The following NF1 variants were observed in gnomAD, a reference collection of about 807,000 sequenced individuals.
NF1 encodes the protein neurofibromin 1.
In NF1, 122 loss-of-function variants were observed where a neutral mutation model predicts 325.7. The observed-to-expected ratio is 0.37, with a 90% CI of 0.32 to 0.44. The LOEUF (loss-of-function observed/expected upper bound fraction) is 0.44. Among genes scored for constraint, NF1 ranks in the 20% least tolerant of loss-of-function variants. NF1 has a pLI of 1.00. For missense variants in NF1, 2,140 were observed against 3,415.4 expected (o/e 0.63, Z 9.31); for synonymous variants, 1,091 against 1,186.0 (o/e 0.92, Z 1.65).
At chr17:31,122,842 C>T (rs1301784994) in intron 1 of NF1, among the ~76,000 whole-genome samples, 1 of 149,856 alleles carries the variant, frequency 6.7e-6, no homozygotes, top group Non-Finnish European at 1.5e-5. Context: ...GTCAAGAGGA[C>T]TTCTAGGCTT....
At chr17:31,156,168 T>C in intron 2 of NF1, 42 bp downstream of exon 2, 1 of 1,609,016 alleles carries the variant, frequency 6.2e-7, no homozygotes, top group African/African-American at 1.3e-5. Flanking sequence ...TTTGCTTTCT[T>C]TTCTTTTTGA....
chr17:31,109,057 C>T (rs1187956970), intron 1 of NF1, among the ~76,000 whole-genome samples: 1 of 152,190 alleles, frequency 6.6e-6, no homozygotes, highest in Non-Finnish European at 1.5e-5. Flanking sequence ...ACAACTCATG[C>T]CTAATCAGTC....
chr17:31,367,009 G>A (rs1401625093), intron 57 of NF1, among the ~76,000 whole-genome samples: 2 of 151,808 alleles, frequency 1.3e-5, no homozygotes, highest in African/African-American at 2.4e-5. Context: ...TTTAATATAA[G>A]TGGTAAAAAA....
intron 57 of NF1, among the ~76,000 whole-genome samples, chr17:31,364,560 G>T: frequency 6.6e-6 from 1 of 152,122 alleles, no homozygotes; most frequent in East Asian, 1.9e-4. Flanking sequence ...TAAACATTTG[G>T]GCAGTATTTC....
rs786201846 is a variant in NF1 at position 31,169,993 on chromosome 17, G to A, written c.582G>A (p.Leu194=). The A allele has an allele frequency of 2.5e-6, 4 of 1,595,776 alleles. No individual in the cohort carries two copies. The highest frequency in any genetic ancestry group is 3.4e-6 in the Non-Finnish European group (4 of 1,164,282). ...ATTGTGCAAAATTAAAACGACTCCT[G>A]AAGGGTAAGTTTAAATGTATAATAT... ...NVDCAKLKRL[L]KETAFKFKAL... is the part of the protein sequence containing the mutation. The change falls in exon 5 of 58, where the codon CTG becomes CTA. Residue 194 remains leucine (L), a synonymous_variant. Transcript: ENST00000358273.
At chr17:31,318,355 T>C in intron 36 of NF1, 1 of 1,611,956 alleles carries the variant, frequency 6.2e-7, no homozygotes, top group African/African-American at 1.3e-5. Context: ...ATCTTTTCTT[T>C]CCCTTGTAGC....
intron 31 of NF1, 104 bp downstream of exon 31, chr17:31,253,104 G>A: frequency 1.2e-6 from 1 of 867,258 alleles, no homozygotes; most frequent in East Asian, 2.6e-5. Flanking sequence ...GACCTTCACT[G>A]TAAAATCATT....
intron 1 of NF1, among the ~76,000 whole-genome samples, chr17:31,142,356 AAAG>A (rs1306799861): frequency 3.9e-5 from 6 of 152,290 alleles, no homozygotes; most frequent in African/African-American, 1.4e-4. Flanking sequence ...ATCTAACTGA[AAAG>A]AAGAGAAACT....
At position 31,284,190 on chromosome 17, in the gene NF1, C is replaced by T. The variant is rs560633230; in HGVS notation, c.4835+18851C>T. ...GATCTCTGCTCACTGCAAACTCTGC[C>T]TCCTGGATTCAAGCAATTCTCCTGC... is the stretch of plus-strand genomic sequence containing the variant. On this transcript the variant is annotated intron_variant, in intron 36 of 57. Coordinates refer to ENST00000358273, the MANE Select transcript of NF1 (RefSeq NM_001042492.3). Among the ~76,000 whole-genome samples, 3 of 152,284 alleles carry T rather than the reference C, an allele frequency of 2.0e-5. No homozygotes were observed. In the South Asian group the frequency reaches 6.2e-4, roughly 32 times the overall value.
At chr17:31,134,817 T>G (rs1429450226) in intron 1 of NF1, among the ~76,000 whole-genome samples, 1 of 152,158 alleles carries the variant, frequency 6.6e-6, no homozygotes, top group Non-Finnish European at 1.5e-5. Context: ...GAGTGAGTGA[T>G]CTGAGAGAAT....
chr17:31,277,699 G>A (rs757057333), intron 36 of NF1, among the ~76,000 whole-genome samples: 4 of 152,114 alleles, frequency 2.6e-5, no homozygotes, highest in Admixed American at 6.5e-5. Context: ...TTTTGGCTCC[G>A]TTTCTGCAGG....
At chr17:31,205,623 G>A (rs753544765) in intron 11 of NF1, among the ~76,000 whole-genome samples, 1 of 151,948 alleles carries the variant, frequency 6.6e-6, no homozygotes, top group Non-Finnish European at 1.5e-5. Context: ...ATTTCACTAG[G>A]ATCAGTTTGT....
chr17:31,261,650 GAAATGTGTAGTGCT>G, intron 34 of NF1, 47 bp from the exon 35 acceptor site: 4 of 1,591,108 alleles, frequency 2.5e-6, no homozygotes, highest in Non-Finnish European at 2.6e-6. Context: ...ACAAGTTAAA[GAAATGTGTAGTGCT>G]AAATGTGAAC....
intron 47 of NF1, among the ~76,000 whole-genome samples, chr17:31,341,824 G>A (rs1413696278): frequency 1.3e-5 from 2 of 151,904 alleles, no homozygotes; most frequent in Non-Finnish European, 2.9e-5. Context: ...AGAGAATAGA[G>A]GAGAGAATAA....
At chr17:31,189,495 T>C (rs753766114) in intron 8 of NF1, among the ~76,000 whole-genome samples, 4 of 152,322 alleles carry the variant, frequency 2.6e-5, no homozygotes, top group Admixed American at 1.3e-4. Context: ...AACATTTTCA[T>C]CTTCCCAAAA....
At chr17:31,337,671 G>T (rs1459959322) in intron 43 of NF1, 89 bp downstream of exon 43, 2 of 1,435,942 alleles carry the variant, frequency 1.4e-6, no homozygotes, top group Non-Finnish European at 1.9e-6. Context: ...GGTTTATTGT[G>T]CTATTTTGTA....
chr17:31,163,318 G>A lies in NF1; in HGVS notation c.421G>A (p.Val141Ile), dbSNP rs2143672914. Residue 141 changes from valine (V) to isoleucine (I), a missense_variant, in exon 4 of 58, where the codon GTT (valine) becomes ATT (isoleucine). This residue lies in a region of NF1 where 246 missense variants were observed against 347.8 expected (regional missense o/e 0.71). Coordinates refer to ENST00000358273, the MANE Select transcript of NF1 (RefSeq NM_001042492.3). Reference protein sequence around the residue: ...AAELRNSASGVLFSLSCNNFN... With the variant: ...AAELRNSASGILFSLSCNNFN... ...TGAACTTCGGAATTCTGCCTCTGGG[G>A]TTTTATTTTCTCTCAGCTGCAACAA... The A allele has an allele frequency of 1.9e-6, 3 of 1,614,090 alleles. No individual in the cohort carries two copies. The highest frequency in any genetic ancestry group is 1.3e-5 in the African/African-American group (1 of 75,008).
Position 31,318,380 on chromosome 17 carries a change from T to C in NF1, c.4836-7440T>C. On this transcript the variant is annotated intron_variant, in intron 36 of 57. Transcript: ENST00000358273. ...TCCCTTGTAGCTGTGAGCACTCCAGTAGATTGCATCACTAGGTTGGGTCCT... is the reference window on the plus strand; with the variant it reads ...TCCCTTGTAGCTGTGAGCACTCCAGCAGATTGCATCACTAGGTTGGGTCCT... 4.3e-6 allele frequency: 7 copies of C among 1,614,066 alleles called. No individual in the cohort carries two copies. The highest frequency in any genetic ancestry group is 5.9e-6 in the Non-Finnish European group (7 of 1,179,992).
In NF1 at chr17:31,254,272, A is replaced by AC. The variant is rs1270963296; in HGVS notation, c.4173+1273dup. The AC allele has an allele frequency of 2.9e-3, 320 of 110,902 alleles. 1 individual carries two copies. The highest frequency in any genetic ancestry group is 0.01 in the African/African-American group (290 of 28,054). 6.9% of individuals were successfully genotyped at this position (110,902 alleles called of 1,614,324 possible). ...GAGTGACAGAGTAAGACCCTGTCTC[A>AC]CAAAAAAAAAAAAAAAAAAAGAAAA... On this transcript the variant is annotated intron_variant, in intron 31 of 57. Transcript: ENST00000358273.
Sources: gnomAD v4.1 joint callset for allele counts (sites outside exome capture counted in the v4.1 genomes callset) on GRCh38, gnomAD v4.1.1 for gene constraint, gnomAD v4.1.1 regional missense constraint, MANE v1.5 for transcripts, NCBI Gene and HGNC (gene_info 2026-07-23, HGNC 2026-07-21) for gene names.